The following IVD variants were observed in gnomAD, a reference collection of about 807,000 sequenced individuals.
The protein encoded by IVD is isovaleryl-CoA dehydrogenase.
IVD carries 31 observed loss-of-function variants against 51.3 expected under a neutral mutation model. The observed-to-expected ratio is 0.60, with a 90% CI of 0.45 to 0.81. The LOEUF is 0.81. Ranked by LOEUF, IVD falls within the 40% of genes least tolerant of loss-of-function variation. The probability of loss-of-function intolerance (pLI) is 0.00; values close to 1 mark genes in which losing one functional copy is unlikely to be tolerated. For missense variants in IVD, 475 were observed against 552.0 expected (o/e 0.86, Z 1.40); for synonymous variants, 205 against 219.4 (o/e 0.93, Z 0.58).
downstream of IVD, among the ~76,000 whole-genome samples, chr15:40,425,871 G>A (rs1460031610): frequency 2.0e-5 from 3 of 151,792 alleles, no homozygotes; most frequent in African/African-American, 4.8e-5. Flanking sequence ...GTGCAGCGGC[G>A]CAGTCATGAC....
At chr15:40,406,372 G>C (rs1300525783) in intron 1 of IVD, 1 of 1,305,038 alleles carries the variant, frequency 7.7e-7, no homozygotes, top group Admixed American at 2.3e-5. Flanking sequence ...ACACCTGGGT[G>C]GTCATCGTAA....
At chr15:40,407,828 C>A (rs901614225) in intron 2 of IVD, 103 bp downstream of exon 2, 2 of 1,446,376 alleles carry the variant, frequency 1.4e-6, no homozygotes, top group African/African-American at 1.4e-5. Context: ...TGAAGCCTCT[C>A]TAAGAATGCA....
At chr15:40,435,844 C>A (rs1041173571), downstream of IVD, 1 of 359,822 alleles carries the variant, frequency 2.8e-6, no homozygotes, top group Non-Finnish European at 3.9e-6. Context: ...CTTCTTGGAA[C>A]GTCCCCGCAC....
At chr15:40,427,838 C>T (rs1420722665), downstream of IVD, among the ~76,000 whole-genome samples, 2 of 152,076 alleles carry the variant, frequency 1.3e-5, no homozygotes, top group African/African-American at 2.4e-5. Flanking sequence ...AGAAGCCCAC[C>T]AGTGGCCCAG....
Position 40,419,251 on chromosome 15 carries a change from C to T in IVD, c.*988C>T. Reference sequence around the variant, plus strand: ...CTTGGCCAGGCAAGGTGGTGTGTGCCTGTAATCCCAGCACTTTGGGAGGCC... The same window carrying T: ...CTTGGCCAGGCAAGGTGGTGTGTGCTTGTAATCCCAGCACTTTGGGAGGCC... On this transcript the variant is annotated 3_prime_UTR_variant, in exon 12 of 12. Transcript: ENST00000487418. 2 of 1,287,568 alleles carry T rather than the reference C, an allele frequency of 1.6e-6. No individual in the cohort carries two copies. Among genetic ancestry groups the T allele is most frequent in the South Asian group, 2.5e-5 (2 of 80,906 alleles). 79.8% of individuals were successfully genotyped at this position (1,287,568 alleles called of 1,614,324 possible).
chr15:40,433,865 G>T (rs1893120317), exon 8 of IVD: 1 of 456,598 alleles, frequency 2.2e-6, no homozygotes, highest in African/African-American at 2.0e-5. Flanking sequence ...CTGGGTCCAT[G>T]GATCTTGGAG....
chr15:40,416,866 C>G (rs889117079), intron 11 of IVD, among the ~76,000 whole-genome samples: 1 of 152,132 alleles, frequency 6.6e-6, no homozygotes, highest in Non-Finnish European at 1.5e-5. Context: ...GGCAACACCC[C>G]CCTCTCATCC....
In IVD at chr15:40,419,188, G is replaced by A. The variant is rs189226861; in HGVS notation, c.*925G>A. ...GCCCTTGTTTCTTCCAGTTTCTAGA[G>A]GTATCAGCTCCTAGCAGCTTATGAA... On this transcript the variant is annotated 3_prime_UTR_variant, in exon 12 of 12. Transcript: ENST00000487418. 55 of 1,289,288 alleles carry A rather than the reference G, an allele frequency of 4.3e-5. No homozygotes were observed. Among genetic ancestry groups the A allele is most frequent in the Non-Finnish European group, 5.2e-5 (51 of 988,872 alleles). The allele number at this position is 1,289,288 out of a possible 1,614,324, so 79.9% of individuals were successfully genotyped here.
At chr15:40,409,154 T>C (rs1370388985) in intron 3 of IVD, among the ~76,000 whole-genome samples, 1 of 152,170 alleles carries the variant, frequency 6.6e-6, no homozygotes, top group Non-Finnish European at 1.5e-5. Flanking sequence ...TCTCCTACTG[T>C]GTTTTGGGGG....
chr15:40,406,317 T>C (rs575771400), intron 1 of IVD: 5 of 1,371,406 alleles, frequency 3.6e-6, no homozygotes, highest in South Asian at 1.2e-5. Flanking sequence ...GCCCTCAATC[T>C]GTATGTAGTT....
intron 2 of IVD, 54 bp downstream of exon 2, chr15:40,407,779 C>A: frequency 6.6e-7 from 1 of 1,504,126 alleles, no homozygotes; most frequent in Non-Finnish European, 9.2e-7. Context: ...GGCTGAGCTG[C>A]ACTGCTGCCT....
chr15:40,427,803 C>G (rs1244398425), downstream of IVD, among the ~76,000 whole-genome samples: 2 of 152,204 alleles, frequency 1.3e-5, no homozygotes, highest in African/African-American at 2.4e-5. Flanking sequence ...TGGCCTGCAT[C>G]CTGCCCAGCC....
intron 8 of IVD, chr15:40,435,356 T>C (rs1452097002): frequency 1.3e-4 from 125 of 991,162 alleles, no homozygotes; most frequent in Middle Eastern, 6.5e-4. Context: ...GAGCTCCTGG[T>C]TGGCAGGCAG....
At chr15:40,431,965 C>CT (rs34083732) in intron 7 of IVD, among the ~76,000 whole-genome samples, 14,436 of 138,772 alleles carry the variant, frequency 0.1, 916 homozygotes, top group Non-Finnish European at 0.13. Context: ...ATATCTAAGT[C>CT]TTTTTTTTTT....
chr15:40,432,017 G>T (rs979436393), intron 7 of IVD, among the ~76,000 whole-genome samples: 23 of 147,938 alleles, frequency 1.6e-4, no homozygotes, highest in African/African-American at 5.2e-4. Context: ...AGGTTGGAGT[G>T]CAATAGTTCC....
Position 40,405,837 on chromosome 15 carries a change from G to T in IVD, c.10G>T (p.Ala4Ser). 6.2e-7 allele frequency: 1 copy of T among 1,612,070 alleles called. No homozygotes were observed. Among genetic ancestry groups the T allele is most frequent in the Non-Finnish European group, 8.5e-7 (1 of 1,178,654 alleles). Residue 4 changes from alanine (A) to serine (S), a missense_variant, in exon 1 of 12, where the codon GCG (alanine) becomes TCG (serine). Physicochemically the swap from Ala to Ser is moderately conservative, Grantham distance 99. Coordinates refer to ENST00000487418, the MANE Select transcript of IVD (RefSeq NM_002225.5). ...TTCGTGCATGGCAGAGATGGCGACT[G>T]CGACTCGGCTGCTGGGGTGGCGTGT... Reference protein sequence around the residue: MATATRLLGWRVAS... With the variant: MATSTRLLGWRVAS...
intron 7 of IVD, chr15:40,414,370 A>G (rs1412779492): frequency 5.7e-6 from 1 of 176,846 alleles, no homozygotes; most frequent in East Asian, 1.3e-4. Context: ...ACACCTCCCA[A>G]GGCCATCCAG....
rs1004450033 is a variant in IVD at position 40,420,155 on chromosome 15, G to T, written c.*1892G>T. 9 of 985,582 alleles carry T rather than the reference G, an allele frequency of 9.1e-6. 1 individual carries two copies. The highest frequency in any genetic ancestry group is 1.1e-4 in the East Asian group (1 of 8,824). The allele number at this position is 985,582 out of a possible 1,614,324, so 61.1% of individuals were successfully genotyped here. On this transcript the variant is annotated 3_prime_UTR_variant, in exon 12 of 12. Coordinates refer to ENST00000487418, the MANE Select transcript of IVD (RefSeq NM_002225.5). ...CACATGCTGCTGAGTCCGCAGGGGG[G>T]GCAGAGCAGAGGACAGCGTGCTTTT...
chr15:40,412,430 G>C (rs1190317966), intron 6 of IVD, among the ~76,000 whole-genome samples: 1 of 152,232 alleles, frequency 6.6e-6, no homozygotes, highest in Admixed American at 6.5e-5. Flanking sequence ...GAAAGTAGCT[G>C]TCTAGGGTTG....
Sources: allele counts gnomAD v4.1 joint callset (sites outside exome capture counted in the v4.1 genomes callset), GRCh38; gene constraint gnomAD v4.1.1; transcripts MANE v1.5; gene names NCBI Gene and HGNC (gene_info 2026-07-23, HGNC 2026-07-21).